MALRD1: variants seen among roughly 807,000 people sequenced by gnomAD.
MALRD1 encodes MAM and LDL receptor class A domain containing 1.
In MALRD1, 247 loss-of-function variants were observed where a neutral mutation model predicts 242.1. The ratio of observed to expected loss-of-function variants is 1.02; its 90% CI spans 0.92 to 1.13. MALRD1 has a LOEUF of 1.13. MALRD1 is among the 50% of genes most tolerant of loss of function. The pLI is 0.00. For synonymous variants in MALRD1, 995 were observed against 866.6 expected (o/e 1.15, Z -2.60); for missense variants, 2,989 against 2,533.1 (o/e 1.18, Z -3.86).
chr10:19,720,695 T>C (rs1176574475), intron 38 of MALRD1, among the ~76,000 whole-genome samples: 1 of 152,162 alleles, frequency 6.6e-6, no homozygotes, highest in Admixed American at 6.5e-5. Flanking sequence ...TTATGTTCTT[T>C]TACTGTGCTA....
intron 26 of MALRD1, among the ~76,000 whole-genome samples, chr10:19,355,858 T>TATATATATATATAGATATA (rs57813656): frequency 1.1e-5 from 1 of 94,924 alleles, no homozygotes; most frequent in African/African-American, 3.7e-5. Flanking sequence ...TATATATATA[T>TATATATATATATAGATATA]TATATATGAT....
intron 18 of MALRD1, among the ~76,000 whole-genome samples, chr10:19,242,538 T>A (rs1172201211): frequency 6.6e-6 from 1 of 152,114 alleles, no homozygotes; most frequent in Non-Finnish European, 1.5e-5. Flanking sequence ...CTACTAATAT[T>A]GTATTGCAGT....
chr10:19,341,791 A>G lies in MALRD1; in HGVS notation c.3902-5980A>G, dbSNP rs570490487. ...TGTAACTGAAGGAGTTAAAAAAACAAAGACATTTTTAAAAGCCAAGAATAA... is the reference window on the plus strand; with the variant it reads ...TGTAACTGAAGGAGTTAAAAAAACAGAGACATTTTTAAAAGCCAAGAATAA... On this transcript the variant is annotated intron_variant, in intron 24 of 39. Transcript: ENST00000454679. 3.3e-5 allele frequency among the ~76,000 whole-genome samples: 5 copies of G among 152,144 alleles called. 1 individual carries two copies. The South Asian group carries it at 1.0e-3, about 32-fold the overall frequency.
At chr10:19,430,111 C>CTTTTTTCTTTTTT (rs1834063659) in intron 28 of MALRD1, among the ~76,000 whole-genome samples, 1 of 83,494 alleles carries the variant, frequency 1.2e-5, no homozygotes, top group Non-Finnish European at 2.1e-5. Flanking sequence ...CTCCATTTTC[C>CTTTTTTCTTTTTT]TTTTTTTTTT....
chr10:19,307,629 A>C (rs1842268944), intron 21 of MALRD1, among the ~76,000 whole-genome samples: 1 of 151,482 alleles, frequency 6.6e-6, no homozygotes, highest in Non-Finnish European at 1.5e-5. Context: ...CTTTGAGGCA[A>C]ATTGGTAGTG....
chr10:19,197,083 C>T (rs943590913), intron 14 of MALRD1, among the ~76,000 whole-genome samples: 8 of 152,004 alleles, frequency 5.3e-5, no homozygotes, highest in African/African-American at 1.2e-4. Context: ...AAGCAAGGCA[C>T]GTCTTATATG....
At chr10:19,408,346 G>C (rs1224252644) in intron 28 of MALRD1, among the ~76,000 whole-genome samples, 1 of 151,992 alleles carries the variant, frequency 6.6e-6, no homozygotes, top group African/African-American at 2.4e-5. Context: ...TGGAAAATTG[G>C]GCCAGTTTCA....
chr10:19,304,113 A>G (rs962287472), intron 21 of MALRD1, among the ~76,000 whole-genome samples: 8 of 151,748 alleles, frequency 5.3e-5, no homozygotes, highest in African/African-American at 1.9e-4. Flanking sequence ...ATCTGTCCTC[A>G]CCAAGTGAGC....
At chr10:19,070,835 ACTTTTT>A (rs1486289222) in intron 2 of MALRD1, among the ~76,000 whole-genome samples, 11 of 119,426 alleles carry the variant, frequency 9.2e-5, no homozygotes, top group Non-Finnish European at 1.5e-4. Context: ...CAAATGACAA[ACTTTTT>A]TTTTTTTTTT....
chr10:19,399,894 C>T (rs1846757789), intron 28 of MALRD1, among the ~76,000 whole-genome samples: 1 of 152,162 alleles, frequency 6.6e-6, no homozygotes, highest in Admixed American at 6.5e-5. Flanking sequence ...TGTTCTCCCA[C>T]TGTGGATAGT....
At chr10:19,474,264 C>A (rs868808931) in intron 29 of MALRD1, among the ~76,000 whole-genome samples, 17 of 152,088 alleles carry the variant, frequency 1.1e-4, no homozygotes, top group African/African-American at 4.1e-4. Context: ...TAGGATCACT[C>A]TTCTGCTTTG....
intron 36 of MALRD1, among the ~76,000 whole-genome samples, chr10:19,677,298 C>G (rs1477049865): frequency 6.6e-6 from 1 of 152,126 alleles, no homozygotes; most frequent in Non-Finnish European, 1.5e-5. Flanking sequence ...TAAAAGCATT[C>G]CCGTTTCTCC....
At chr10:19,612,185 G>C (rs948080810) in intron 35 of MALRD1, among the ~76,000 whole-genome samples, 4 of 151,660 alleles carry the variant, frequency 2.6e-5, no homozygotes, top group Non-Finnish European at 5.9e-5. Flanking sequence ...TATCTAACAA[G>C]GTTTATACCA....
At chr10:19,707,454 A>G (rs1340063536) in intron 38 of MALRD1, among the ~76,000 whole-genome samples, 5 of 152,216 alleles carry the variant, frequency 3.3e-5, no homozygotes, top group Non-Finnish European at 5.9e-5. Context: ...GAAGAAGACA[A>G]GAGCATGTCT....
At chr10:19,171,387 G>T in intron 13 of MALRD1, among the ~76,000 whole-genome samples, 1 of 145,028 alleles carries the variant, frequency 6.9e-6, no homozygotes, top group Non-Finnish European at 1.5e-5. Context: ...GCTGACTGTA[G>T]TTCCGAAAGG....
chr10:19,595,487 A>C (rs1838047148), intron 34 of MALRD1, 30 bp downstream of exon 34: 1 of 1,534,296 alleles, frequency 6.5e-7, no homozygotes, highest in Non-Finnish European at 8.8e-7. Context: ...TCAATGTGTA[A>C]GGGAAGGCAT....
At chr10:19,638,167 T>G (rs1840231160) in intron 36 of MALRD1, among the ~76,000 whole-genome samples, 1 of 151,226 alleles carries the variant, frequency 6.6e-6, no homozygotes. Flanking sequence ...CCATGCTAAT[T>G]TGTCAACAAA....
chr10:19,192,000 C>G (rs1835996304), intron 14 of MALRD1, among the ~76,000 whole-genome samples: 1 of 150,946 alleles, frequency 6.6e-6, no homozygotes, highest in African/African-American at 2.4e-5. Flanking sequence ...AAACTCTGTC[C>G]AAAGGGATAA....
chr10:19,726,544 T>A (rs556291601), intron 38 of MALRD1, among the ~76,000 whole-genome samples: 2 of 152,296 alleles, frequency 1.3e-5, no homozygotes, highest in South Asian at 4.1e-4. Context: ...GTTTGGCAGT[T>A]CCTCAAAAGT....
Sources: allele counts gnomAD v4.1 joint callset (sites outside exome capture counted in the v4.1 genomes callset), GRCh38; gene constraint gnomAD v4.1.1; transcripts MANE v1.5; gene names NCBI Gene and HGNC (gene_info 2026-07-23, HGNC 2026-07-21).